Variants in NELL1 observed in about 807,000 individuals in gnomAD.
NELL1 encodes neural EGFL like 1.
Under a neutral mutation model 107.4 loss-of-function variants are expected in NELL1, and 76 were observed. The observed-to-expected ratio is 0.71, with a 90% CI of 0.59 to 0.86. The LOEUF (loss-of-function observed/expected upper bound fraction) is 0.86. Ranked by LOEUF, NELL1 falls within the 40% of genes least tolerant of loss-of-function variation. NELL1 has a pLI of 0.00. For synonymous variants in NELL1, 353 were observed against 341.2 expected, an observed-to-expected ratio of 1.03 and a Z score of -0.38; for missense variants, 1,024 against 1,005.5, an observed-to-expected ratio of 1.02 and a Z score of -0.25.
In NELL1 at chr11:21,087,119, G is replaced by A. The variant is rs191000921; in HGVS notation, c.1301-26470G>A. Reference sequence around the variant, plus strand: ...CGCCCAAAGTGCTGGGATTACAGGCGTAAGGCGCCACTCCTGGCCCAGTGG... The same window carrying A: ...CGCCCAAAGTGCTGGGATTACAGGCATAAGGCGCCACTCCTGGCCCAGTGG... On this transcript the variant is annotated intron_variant, in intron 12 of 19. Coordinates refer to ENST00000357134, the MANE Select transcript of NELL1 (RefSeq NM_006157.5). 1.2e-3 allele frequency among the ~76,000 whole-genome samples: 179 copies of A among 152,282 alleles called. 1 individual carries two copies. Among genetic ancestry groups the A allele is most frequent in the African/African-American group, 4.1e-3 (170 of 41,550 alleles).
chr11:21,304,022 C>T (rs1257380914), intron 14 of NELL1, among the ~76,000 whole-genome samples: 4 of 151,972 alleles, frequency 2.6e-5, no homozygotes, highest in Admixed American at 2.6e-4. Flanking sequence ...TAATCACCTC[C>T]CAGTGGCCAC....
chr11:20,733,191 G>C (rs533188603), intron 2 of NELL1, among the ~76,000 whole-genome samples: 1 of 152,256 alleles, frequency 6.6e-6, no homozygotes, highest in East Asian at 1.9e-4. Context: ...CATAGGTTTT[G>C]AGAGTCTTTG....
At chr11:21,532,172 A>G (rs1229193539) in intron 15 of NELL1, among the ~76,000 whole-genome samples, 1 of 152,100 alleles carries the variant, frequency 6.6e-6, no homozygotes, top group Non-Finnish European at 1.5e-5. Flanking sequence ...CTTCTCCACT[A>G]CTTTCTCATT....
chr11:20,924,176 A>C (rs746742570), intron 7 of NELL1, among the ~76,000 whole-genome samples: 25 of 152,250 alleles, frequency 1.6e-4, no homozygotes, highest in Non-Finnish European at 3.5e-4. Context: ...CAGCATGCTA[A>C]TACCAGTGAC....
At chr11:20,940,302 C>T (rs1850823006) in intron 10 of NELL1, among the ~76,000 whole-genome samples, 1 of 151,662 alleles carries the variant, frequency 6.6e-6, no homozygotes, top group Non-Finnish European at 1.5e-5. Flanking sequence ...CTCTGTCTCC[C>T]AGGCTGGAGT....
intron 14 of NELL1, among the ~76,000 whole-genome samples, chr11:21,304,270 G>A (rs1041253419): frequency 1.3e-5 from 2 of 151,954 alleles, no homozygotes; most frequent in Non-Finnish European, 2.9e-5. Context: ...TGCGTCCTAT[G>A]TATTATTTCC....
intron 14 of NELL1, among the ~76,000 whole-genome samples, chr11:21,353,880 A>G (rs188264619): frequency 3.9e-5 from 6 of 152,328 alleles, no homozygotes; most frequent in Admixed American, 3.9e-4. Flanking sequence ...TGTTAACCCC[A>G]TAAATTAGGG....
intron 13 of NELL1, among the ~76,000 whole-genome samples, chr11:21,164,374 A>G (rs1443942552): frequency 3.9e-5 from 6 of 152,324 alleles, no homozygotes; most frequent in Middle Eastern, 3.4e-3. Context: ...TACCAGGACA[A>G]CTGTGTGAGT....
chr11:21,412,838 G>T (rs181267422), intron 15 of NELL1, among the ~76,000 whole-genome samples: 1 of 152,190 alleles, frequency 6.6e-6, no homozygotes, highest in East Asian at 1.9e-4. Flanking sequence ...GAGGCCTGCA[G>T]CTTGCCAGCT....
At position 21,088,722 on chromosome 11, in the gene NELL1, A is replaced by G. The variant is rs543106510; in HGVS notation, c.1301-24867A>G. Among the ~76,000 whole-genome samples the G allele has an allele frequency of 1.4e-3, 219 of 152,272 alleles. 1 individual carries two copies. The highest frequency in any genetic ancestry group is 4.9e-3 in the African/African-American group (205 of 41,562). ...CATACCTCACGTCTAATTTTTTTAAAGTGTATCTTCAAAATGGTTATAGAG... is the reference window on the plus strand; with the variant it reads ...CATACCTCACGTCTAATTTTTTTAAGGTGTATCTTCAAAATGGTTATAGAG... On this transcript the variant is annotated intron_variant, in intron 12 of 19. Coordinates refer to ENST00000357134, the MANE Select transcript of NELL1 (RefSeq NM_006157.5).
At chr11:21,365,670 A>G (rs914471324) in intron 14 of NELL1, among the ~76,000 whole-genome samples, 7 of 152,164 alleles carry the variant, frequency 4.6e-5, no homozygotes, top group African/African-American at 1.7e-4. Context: ...TAAATTTTGT[A>G]ATATACTCTG....
chr11:20,794,302 G>A (rs537612976), intron 3 of NELL1, among the ~76,000 whole-genome samples: 11 of 152,294 alleles, frequency 7.2e-5, no homozygotes, highest in South Asian at 2.1e-4. Context: ...ACCCAAATAC[G>A]TGGAAATAGC....
intron 3 of NELL1, among the ~76,000 whole-genome samples, chr11:20,842,885 T>G (rs1051897748): frequency 1.3e-5 from 2 of 152,194 alleles, no homozygotes; most frequent in African/African-American, 4.8e-5. Context: ...CTAAAGGCAG[T>G]TCTCCTAGTA....
chr11:21,455,718 C>G (rs1306904841), intron 15 of NELL1, among the ~76,000 whole-genome samples: 1 of 151,874 alleles, frequency 6.6e-6, no homozygotes, highest in East Asian at 1.9e-4. Flanking sequence ...TATGGTCTTC[C>G]TCTTGGAATT....
intron 4 of NELL1, among the ~76,000 whole-genome samples, chr11:20,885,057 A>G (rs1458343275): frequency 2.0e-5 from 3 of 152,206 alleles, no homozygotes; most frequent in African/African-American, 7.2e-5. Context: ...GGCAGATAAG[A>G]GTTCTTATCC....
intron 2 of NELL1, among the ~76,000 whole-genome samples, chr11:20,701,289 T>G (rs528995394): frequency 6.6e-6 from 1 of 152,178 alleles, no homozygotes; most frequent in Non-Finnish European, 1.5e-5. Flanking sequence ...ATGTGTCTTT[T>G]GGCTGCATAA....
intron 14 of NELL1, chr11:21,284,539 TG>T (rs1236251591): frequency 2.2e-6 from 1 of 459,000 alleles, no homozygotes; most frequent in Non-Finnish European, 4.4e-6. Flanking sequence ...TTAGAAGACA[TG>T]ATTGTGGAGA....
At chr11:21,083,853 A>G (rs1322075106) in intron 12 of NELL1, among the ~76,000 whole-genome samples, 1 of 152,258 alleles carries the variant, frequency 6.6e-6, no homozygotes, top group East Asian at 1.9e-4. Flanking sequence ...TGCCAATGAC[A>G]AAATGAAAAT....
intron 15 of NELL1, among the ~76,000 whole-genome samples, chr11:21,486,841 C>A (rs543117884): frequency 6.6e-6 from 1 of 151,776 alleles, no homozygotes; most frequent in Non-Finnish European, 1.5e-5. Flanking sequence ...CATTTGGAAA[C>A]TTTGATAATA....
Sources: gnomAD v4.1 joint callset for allele counts (sites outside exome capture counted in the v4.1 genomes callset) on GRCh38, gnomAD v4.1.1 for gene constraint, MANE v1.5 for transcripts, NCBI Gene and HGNC (gene_info 2026-07-23, HGNC 2026-07-21) for gene names.